Variants in PSD3 observed in about 807,000 individuals in gnomAD.
The protein encoded by PSD3 is PH and SEC7 domain-containing protein 3.
Under a neutral mutation model 105.5 loss-of-function variants are expected in PSD3, and 49 were observed. That is an observed-to-expected ratio of 0.46 (90% CI 0.37 to 0.59). The LOEUF is 0.59. PSD3 is among the 20% of genes least tolerant of loss of function. The pLI, the probability that PSD3 is intolerant of heterozygous loss-of-function variation, is 0.00. For synonymous variants in PSD3, 557 were observed against 457.8 expected (o/e 1.22, Z -2.77); for missense variants, 1,561 against 1,263.8 (o/e 1.24, Z -3.57).
intron 15 of PSD3, among the ~76,000 whole-genome samples, chr8:18,552,080 A>G (rs940031435): frequency 6.6e-6 from 1 of 152,186 alleles, no homozygotes; most frequent in African/African-American, 2.4e-5. Flanking sequence ...GCCAAAGAAA[A>G]CACGTTGACA....
chr8:19,047,797 C>G (rs1479935097), intron 1 of PSD3, among the ~76,000 whole-genome samples: 1 of 152,132 alleles, frequency 6.6e-6, no homozygotes. Flanking sequence ...GACAAGGTGT[C>G]TGTCCTCCAG....
At chr8:18,995,692 A>C (rs913057774) in intron 1 of PSD3, among the ~76,000 whole-genome samples, 2 of 152,082 alleles carry the variant, frequency 1.3e-5, no homozygotes, top group Non-Finnish European at 2.9e-5. Flanking sequence ...AAGGCCTCAC[A>C]ACCATGGAGG....
intron 4 of PSD3, among the ~76,000 whole-genome samples, chr8:18,865,829 C>T (rs1163485243): frequency 1.3e-5 from 2 of 152,206 alleles, no homozygotes; most frequent in African/African-American, 4.8e-5. Flanking sequence ...AAGAATACCA[C>T]TGTCTAAATA....
At chr8:18,972,642 G>A (rs1824721335) in intron 1 of PSD3, among the ~76,000 whole-genome samples, 1 of 152,190 alleles carries the variant, frequency 6.6e-6, no homozygotes, top group South Asian at 2.1e-4. Context: ...AGGTCATAAG[G>A]GTGGAGCCCT....
At chr8:18,780,114 G>A (rs551022725) in intron 8 of PSD3, among the ~76,000 whole-genome samples, 13 of 152,212 alleles carry the variant, frequency 8.5e-5, no homozygotes, top group East Asian at 1.9e-4. Context: ...AGTGTTGGGC[G>A]CACAAATATT....
At chr8:18,657,362 C>T (rs1038606) in intron 9 of PSD3, among the ~76,000 whole-genome samples, 1 of 151,974 alleles carries the variant, frequency 6.6e-6, no homozygotes, top group Non-Finnish European at 1.5e-5. Context: ...GTATTCTTAG[C>T]CAGTATCTTG....
chr8:19,037,634 A>G lies in PSD3; in HGVS notation c.324+46572T>C, dbSNP rs531872098. On this transcript the variant is annotated intron_variant, in intron 1 of 1. Coordinates refer to the PSD3 transcript ENST00000521475. ...GTTTGGTGAGGGCCTGAAGAGAACA[A>G]AAAGGCAAAGGACGAGTGAGTTCCA... is the stretch of plus-strand genomic sequence containing the variant. Among the ~76,000 whole-genome samples, 4 of 152,332 alleles carry G rather than the reference A, an allele frequency of 2.6e-5. No individual in the cohort carries two copies. In the South Asian group the frequency reaches 8.3e-4, roughly 32 times the overall value.
At chr8:19,016,411 T>C (rs1827180428), upstream of PSD3, among the ~76,000 whole-genome samples, 1 of 152,212 alleles carries the variant, frequency 6.6e-6, no homozygotes, top group Non-Finnish European at 1.5e-5. Context: ...TATTCATGCA[T>C]ACAGTTAATC....
chr8:18,887,776 G>T (rs558433546), intron 2 of PSD3, among the ~76,000 whole-genome samples: 1 of 152,134 alleles, frequency 6.6e-6, no homozygotes. Flanking sequence ...GCCAAACAGG[G>T]TGCTGAAAAA....
intron 9 of PSD3, among the ~76,000 whole-genome samples, chr8:18,746,973 G>C (rs983350321): frequency 6.6e-6 from 1 of 152,222 alleles, no homozygotes; most frequent in East Asian, 1.9e-4. Context: ...GTTTGTGCTT[G>C]CATCCATGTG....
chr8:18,728,202 A>G (rs1018156265), intron 9 of PSD3, among the ~76,000 whole-genome samples: 3 of 152,302 alleles, frequency 2.0e-5, no homozygotes, highest in African/African-American at 4.8e-5. Flanking sequence ...CTGATTTTCC[A>G]TGGAATTTCT....
At chr8:18,592,635 C>T (rs928931817) in intron 12 of PSD3, among the ~76,000 whole-genome samples, 1 of 152,106 alleles carries the variant, frequency 6.6e-6, no homozygotes, top group Non-Finnish European at 1.5e-5. Context: ...TATTTCTCAG[C>T]ATAAATGATC....
At chr8:18,659,686 G>A (rs1200794834) in intron 9 of PSD3, among the ~76,000 whole-genome samples, 1 of 152,146 alleles carries the variant, frequency 6.6e-6, no homozygotes, top group African/African-American at 2.4e-5. Flanking sequence ...TAAAAGATGA[G>A]CTTTAAAGAG....
intron 1 of PSD3, among the ~76,000 whole-genome samples, chr8:18,950,074 A>G (rs7828541): frequency 0.87 from 132,824 of 152,028 alleles, 58,113 homozygotes; most frequent in South Asian, 0.94. Flanking sequence ...ATAGGTGCCC[A>G]ATAGCACCTA....
At chr8:18,942,627 A>C (rs562985486) in intron 1 of PSD3, among the ~76,000 whole-genome samples, 1 of 152,348 alleles carries the variant, frequency 6.6e-6, no homozygotes, top group African/African-American at 2.4e-5. Flanking sequence ...ATGTCTTCAT[A>C]TGAAAAGATG....
Position 18,816,854 on chromosome 8 carries a change from A to G in PSD3, c.1635-11956T>C, listed in dbSNP as rs543562684. ...TTGCTTTCAAGGAGTTTACACTCAG[A>G]CAGTGACATTCATAAGTGCCTTGGA... is the stretch of plus-strand genomic sequence containing the variant. On this transcript the variant is annotated intron_variant, in intron 4 of 15. Coordinates refer to ENST00000327040, the MANE Select transcript of PSD3 (RefSeq NM_015310.4). Among the ~76,000 whole-genome samples the G allele has an allele frequency of 7.2e-5, 5 of 69,852 alleles. No homozygotes were observed. In the South Asian group the frequency reaches 1.8e-3, roughly 25 times the overall value. The allele number at this position is 69,852 out of a possible 152,430, so 45.8% of individuals were successfully genotyped here. A position where few individuals can be genotyped will look rare whatever the true frequency, so the allele number is the denominator to read the frequency against.
chr8:18,842,212 G>A (rs1268932940), intron 4 of PSD3, among the ~76,000 whole-genome samples: 1 of 152,162 alleles, frequency 6.6e-6, no homozygotes, highest in Admixed American at 6.5e-5. Flanking sequence ...TTAGACCAAA[G>A]CCACAGCTAC....
intron 4 of PSD3, among the ~76,000 whole-genome samples, chr8:18,821,714 C>T (rs1416774812): frequency 7.0e-6 from 1 of 142,550 alleles, no homozygotes; most frequent in African/African-American, 2.6e-5. Flanking sequence ...CACACACACA[C>T]ACACCCCAAT....
chr8:19,072,269 C>T (rs1829296677), intron 1 of PSD3, among the ~76,000 whole-genome samples: 1 of 151,228 alleles, frequency 6.6e-6, no homozygotes, highest in African/African-American at 2.4e-5. Context: ...GCCCAGCTAA[C>T]TTTCTAGTGA....
Sources: gnomAD v4.1 joint callset for allele counts (sites outside exome capture counted in the v4.1 genomes callset) on GRCh38, gnomAD v4.1.1 for gene constraint, MANE v1.5 for transcripts, NCBI Gene and HGNC (gene_info 2026-07-23, HGNC 2026-07-21) for gene names.